Variants in CCDC138 observed in about 807,000 individuals in gnomAD.
CCDC138 encodes the protein coiled-coil domain containing 138, also known as coiled-coil domain-containing protein 138.
A neutral mutation model predicts 82.3 loss-of-function variants in CCDC138; 66 were observed. The observed-to-expected ratio is 0.80, with a 90% CI of 0.66 to 0.98. CCDC138 has a LOEUF of 0.98. Ranked by LOEUF, CCDC138 falls within the 50% of genes least tolerant of loss-of-function variation. CCDC138 has a pLI of 0.00. For missense variants in CCDC138, 816 were observed against 758.9 expected (o/e 1.08, Z -0.88); for synonymous variants, 297 against 265.4 (o/e 1.12, Z -1.16).
At chr2:108,835,088 A>G (rs1212830363) in intron 10 of CCDC138, among the ~76,000 whole-genome samples, 2 of 152,238 alleles carry the variant, frequency 1.3e-5, no homozygotes, top group African/African-American at 2.4e-5. Context: ...TATCTGCTGC[A>G]AATCTGTGTT....
At chr2:108,823,202 A>G (rs975554968) in intron 10 of CCDC138, among the ~76,000 whole-genome samples, 1 of 152,224 alleles carries the variant, frequency 6.6e-6, no homozygotes, top group Non-Finnish European at 1.5e-5. Context: ...TTAGAATTCT[A>G]CCAAACATTT....
At chr2:108,788,750 GAGA>G (rs1354942687) in intron 2 of CCDC138, 99 bp from the exon 3 acceptor site, 1 of 1,462,522 alleles carries the variant, frequency 6.8e-7, no homozygotes. Flanking sequence ...AAATTTGAGA[GAGA>G]AGATTTTAAA....
At position 108,812,625 on chromosome 2, in the gene CCDC138, C is replaced by G; in HGVS notation, c.856-6C>G. 4 of 1,607,788 alleles carry G rather than the reference C, an allele frequency of 2.5e-6. No homozygotes were observed. The highest frequency in any genetic ancestry group is 3.4e-6 in the Non-Finnish European group (4 of 1,174,688). ...ATTGAAATATCTAACTTTTTCTACC[C>G]TTTAGTTAAATGAAGCAAGTGAAGA... On this transcript the variant is annotated splice_polypyrimidine_tract_variant and splice_region_variant and intron_variant, in intron 7 of 14. Coordinates refer to ENST00000295124, the MANE Select transcript of CCDC138 (RefSeq NM_144978.3).
intron 10 of CCDC138, among the ~76,000 whole-genome samples, chr2:108,834,187 TGA>T (rs1688202438): frequency 6.7e-6 from 1 of 148,556 alleles, no homozygotes; most frequent in African/African-American, 2.6e-5. Flanking sequence ...TGATCTGTAA[TGA>T]GAGTTTACAT....
In CCDC138 at chr2:108,794,803, A is replaced by G. The variant is rs1284058604; in HGVS notation, c.576+82A>G. ...CATTTACGAAATTTGAATATAATAT[A>G]TTTCATTTTAATTACTTTAGATAAG... On this transcript the variant is annotated intron_variant, in intron 5 of 14. Coordinates refer to ENST00000295124, the MANE Select transcript of CCDC138 (RefSeq NM_144978.3). The G allele has an allele frequency of 1.6e-5, 16 of 1,008,600 alleles. No individual in the cohort carries two copies. The South Asian group carries it at 1.9e-4, about 12-fold the overall frequency. 62.5% of individuals were successfully genotyped at this position (1,008,600 alleles called of 1,614,324 possible).
At chr2:108,791,123 TTAAC>T (rs1313578453) in intron 3 of CCDC138, among the ~76,000 whole-genome samples, 1 of 152,124 alleles carries the variant, frequency 6.6e-6, no homozygotes, top group Non-Finnish European at 1.5e-5. Flanking sequence ...ATATATTATA[TTAAC>T]TAATATTTTT....
intron 11 of CCDC138, among the ~76,000 whole-genome samples, chr2:108,842,904 CAGA>C (rs1030160290): frequency 5.3e-5 from 8 of 152,156 alleles, no homozygotes; most frequent in African/African-American, 1.4e-4. Flanking sequence ...GAATAAAGCA[CAGA>C]AGCTTTACTT....
chr2:108,803,085 A>G (rs143825169), intron 6 of CCDC138, among the ~76,000 whole-genome samples: 114 of 152,292 alleles, frequency 7.5e-4, no homozygotes, highest in African/African-American at 2.6e-3. Context: ...ATCCTAATGC[A>G]TTTCTCAAAG....
intron 10 of CCDC138, among the ~76,000 whole-genome samples, chr2:108,834,007 A>G (rs1178806276): frequency 6.7e-6 from 1 of 149,186 alleles, no homozygotes; most frequent in East Asian, 2.0e-4. Context: ...CGGCCTCCCA[A>G]AGTGCTGGGA....
intron 10 of CCDC138, among the ~76,000 whole-genome samples, chr2:108,825,854 G>A (rs1261734413): frequency 2.6e-5 from 4 of 152,148 alleles, no homozygotes; most frequent in African/African-American, 7.2e-5. Flanking sequence ...GTTTGTCAAA[G>A]TGGTTCAACA....
intron 2 of CCDC138, chr2:108,883,672 G>A (rs1422955683): frequency 1.3e-5 from 2 of 152,248 alleles, no homozygotes; most frequent in African/African-American, 4.8e-5. Flanking sequence ...GCTCACTCGA[G>A]TGGGCTTCTT....
chr2:108,819,284 C>T (rs774870533), intron 10 of CCDC138, among the ~76,000 whole-genome samples: 5 of 152,148 alleles, frequency 3.3e-5, no homozygotes, highest in Middle Eastern at 3.2e-3. Flanking sequence ...GTTCCCCTGC[C>T]GGTATAGCGC....
chr2:108,823,008 T>G (rs1036033556), intron 10 of CCDC138, among the ~76,000 whole-genome samples: 6 of 152,302 alleles, frequency 3.9e-5, no homozygotes, highest in African/African-American at 1.4e-4. Flanking sequence ...TATAAGACAA[T>G]GTTATCAACA....
At chr2:108,857,278 C>T (rs1692781557) in intron 13 of CCDC138, among the ~76,000 whole-genome samples, 1 of 151,920 alleles carries the variant, frequency 6.6e-6, no homozygotes, top group African/African-American at 2.4e-5. Flanking sequence ...GGGGTTTCAC[C>T]ATGTTGGCCA....
At chr2:108,865,234 G>C (rs1437481390) in intron 13 of CCDC138, among the ~76,000 whole-genome samples, 1 of 152,070 alleles carries the variant, frequency 6.6e-6, no homozygotes, top group East Asian at 1.9e-4. Context: ...CATTTAAGCA[G>C]ACCACGATTG....
chr2:108,856,685 GT>G lies in CCDC138; in HGVS notation c.1517-106del. 3.0e-6 allele frequency: 3 copies of G among 993,892 alleles called. No individual in the cohort carries two copies. The East Asian group carries it at 7.7e-5, about 25-fold the overall frequency. 61.6% of individuals were successfully genotyped at this position (993,892 alleles called of 1,614,324 possible). On this transcript the variant is annotated intron_variant, in intron 12 of 14. Coordinates refer to ENST00000295124, the MANE Select transcript of CCDC138 (RefSeq NM_144978.3). ...GACTGTGATCTCTTATTTAATTTTT[GT>G]TTGTCTTTTGAGTTTGTTAAAGTAA...
intron 12 of CCDC138, among the ~76,000 whole-genome samples, chr2:108,850,113 A>G (rs929241543): frequency 3.3e-5 from 5 of 152,226 alleles, no homozygotes; most frequent in African/African-American, 9.6e-5. Flanking sequence ...TGATACAGCT[A>G]TTTATCCTTT....
At chr2:108,857,236 G>A (rs576216763) in intron 13 of CCDC138, among the ~76,000 whole-genome samples, 4 of 151,648 alleles carry the variant, frequency 2.6e-5, no homozygotes, top group Non-Finnish European at 4.4e-5. Flanking sequence ...ACGCCACCAC[G>A]CCCAGCTAAT....
At chr2:108,877,077 C>G (rs1214202011), downstream of CCDC138, among the ~76,000 whole-genome samples, 1 of 151,882 alleles carries the variant, frequency 6.6e-6, no homozygotes, top group Non-Finnish European at 1.5e-5. Context: ...TGGGCCTCTT[C>G]AAAAAAATAC....
Sources: allele counts gnomAD v4.1 joint callset (sites outside exome capture counted in the v4.1 genomes callset), GRCh38; gene constraint gnomAD v4.1.1; transcripts MANE v1.5; gene names NCBI Gene and HGNC (gene_info 2026-07-23, HGNC 2026-07-21).